Variants in CDK14 observed in about 807,000 individuals in gnomAD.
The protein encoded by CDK14 is cyclin dependent kinase 14, also known as cyclin-dependent kinase 14.
Under a neutral mutation model 60.7 loss-of-function variants are expected in CDK14, and 34 were observed. The ratio of observed to expected loss-of-function variants is 0.56; its 90% CI spans 0.43 to 0.75. The LOEUF (loss-of-function observed/expected upper bound fraction) is 0.75. Ranked by LOEUF, CDK14 falls within the 30% of genes least tolerant of loss-of-function variation. The pLI is 0.00. For synonymous variants in CDK14, 197 were observed against 203.7 expected, an observed-to-expected ratio of 0.97 and a Z score of 0.28; for missense variants, 482 against 564.1, an observed-to-expected ratio of 0.85 and a Z score of 1.47.
intron 2 of CDK14, among the ~76,000 whole-genome samples, chr7:90,654,808 C>A (rs918035800): frequency 6.6e-6 from 1 of 152,124 alleles, no homozygotes; most frequent in East Asian, 1.9e-4. Context: ...TAGTATAATT[C>A]ATGAACCAAG....
At chr7:90,842,653 G>A (rs1166990284) in intron 5 of CDK14, among the ~76,000 whole-genome samples, 1 of 152,082 alleles carries the variant, frequency 6.6e-6, no homozygotes, top group Non-Finnish European at 1.5e-5. Context: ...ATGGCGAATG[G>A]CAGTTTGTTG....
chr7:91,171,210 C>T (rs1029851691), intron 14 of CDK14, among the ~76,000 whole-genome samples: 1 of 151,740 alleles, frequency 6.6e-6, no homozygotes, highest in African/African-American at 2.4e-5. Context: ...ATTAGCTGGG[C>T]GTGGTGGCGG....
intron 2 of CDK14, among the ~76,000 whole-genome samples, chr7:90,697,149 T>C (rs929117536): frequency 6.6e-6 from 1 of 152,018 alleles, no homozygotes; most frequent in African/African-American, 2.4e-5. Flanking sequence ...AACAGAGAAA[T>C]GGAGTAGCAG....
chr7:90,666,041 A>T (rs1391097952), intron 2 of CDK14, among the ~76,000 whole-genome samples: 1 of 152,140 alleles, frequency 6.6e-6, no homozygotes, highest in Admixed American at 6.6e-5. Flanking sequence ...TTCCCTGCCT[A>T]GTCCCTGCCT....
At chr7:90,745,904 A>G (rs1215165625) in intron 3 of CDK14, among the ~76,000 whole-genome samples, 2 of 152,112 alleles carry the variant, frequency 1.3e-5, no homozygotes, top group African/African-American at 2.4e-5. Flanking sequence ...AATTTTCTCT[A>G]CTGATTGTGT....
chr7:91,008,149 A>C lies in CDK14; in HGVS notation c.1041+23908A>C, dbSNP rs934252931. On this transcript the variant is annotated intron_variant, in intron 10 of 14. Coordinates refer to ENST00000380050, the MANE Select transcript of CDK14 (RefSeq NM_001287135.2). ...GGCCAAAAAAAAAAAAAAAAAACAA[A>C]CAAAAAAAAACAGTGGATGGTGGAG... Among the ~76,000 whole-genome samples, 33 of 107,506 alleles carry C rather than the reference A, an allele frequency of 3.1e-4. 1 individual carries two copies. Among genetic ancestry groups the C allele is most frequent in the African/African-American group, 1.1e-3 (32 of 29,542 alleles). The allele number at this position is 107,506 out of a possible 152,430, so 70.5% of individuals were successfully genotyped here.
chr7:90,744,746 G>T lies in CDK14; in HGVS notation c.370-2935G>T, dbSNP rs1191390442. Among the ~76,000 whole-genome samples, 3 of 135,068 alleles carry T rather than the reference G, an allele frequency of 2.2e-5. 1 individual carries two copies. The highest frequency in any genetic ancestry group is 4.9e-5 in the Non-Finnish European group (3 of 61,724). 88.6% of individuals were successfully genotyped at this position (135,068 alleles called of 152,430 possible). The stretch of plus-strand genomic sequence containing the variant: ...GAGGCGCCCCTCACCTCCCGGACGG[G>T]GCGGCTGGCCGGGCAGGGGGCTGAC... On this transcript the variant is annotated intron_variant, in intron 3 of 14. Transcript: ENST00000380050.
intron 2 of CDK14, among the ~76,000 whole-genome samples, chr7:90,641,021 A>G (rs1258932843): frequency 6.6e-6 from 1 of 151,930 alleles, no homozygotes; most frequent in East Asian, 1.9e-4. Context: ...CCATCAGGGA[A>G]ATTCAAATCA....
In CDK14 at chr7:90,829,397, G is replaced by A. The variant is rs114303738; in HGVS notation, c.545-33778G>A. On this transcript the variant is annotated intron_variant, in intron 5 of 14. Transcript: ENST00000380050. ...CTTCTGAATATGAGCCTGTAAAATC[G>A]AAAACAACTTAGTTACTTCCAAGAT... is the stretch of plus-strand genomic sequence containing the variant. Among the ~76,000 whole-genome samples, 1,412 of 152,142 alleles carry A rather than the reference G, an allele frequency of 9.3e-3. 24 individuals are homozygous for A. The highest frequency in any genetic ancestry group is 0.031 in the African/African-American group (1,277 of 41,490).
chr7:90,911,599 T>A (rs1792903703), intron 7 of CDK14, among the ~76,000 whole-genome samples: 1 of 152,142 alleles, frequency 6.6e-6, no homozygotes, highest in African/African-American at 2.4e-5. Flanking sequence ...TTGAACCGCA[T>A]ATATTAAATA....
intron 4 of CDK14, among the ~76,000 whole-genome samples, chr7:90,753,992 A>G (rs1016665706): frequency 6.6e-6 from 1 of 152,228 alleles, no homozygotes; most frequent in Non-Finnish European, 1.5e-5. Context: ...ACACAAACAA[A>G]TGGAAAAACA....
At chr7:90,957,910 A>C (rs1794479926) in intron 9 of CDK14, among the ~76,000 whole-genome samples, 1 of 152,154 alleles carries the variant, frequency 6.6e-6, no homozygotes. Context: ...TCCTAAGCCA[A>C]AAGAACAAAG....
At chr7:90,621,838 G>A (rs1799776978) in intron 2 of CDK14, among the ~76,000 whole-genome samples, 2 of 152,232 alleles carry the variant, frequency 1.3e-5, no homozygotes, top group Admixed American at 6.5e-5. Context: ...ATGGGGAAAC[G>A]GAAGTTTAGA....
At chr7:90,662,748 T>C (rs981073558) in intron 2 of CDK14, among the ~76,000 whole-genome samples, 1 of 152,210 alleles carries the variant, frequency 6.6e-6, no homozygotes, top group African/African-American at 2.4e-5. Context: ...TTTTTATAGC[T>C]CATTTATAAG....
At chr7:91,036,911 T>C (rs1334593787) in intron 10 of CDK14, among the ~76,000 whole-genome samples, 1 of 152,174 alleles carries the variant, frequency 6.6e-6, no homozygotes, top group South Asian at 2.1e-4. Flanking sequence ...TTTGCCATAT[T>C]CTGTTGGTTA....
chr7:90,762,488 A>T (rs994050360), intron 4 of CDK14, among the ~76,000 whole-genome samples: 2 of 152,228 alleles, frequency 1.3e-5, no homozygotes, highest in Non-Finnish European at 2.9e-5. Flanking sequence ...ATAAGTTACA[A>T]ACGTGACAGA....
intron 5 of CDK14, among the ~76,000 whole-genome samples, chr7:90,844,476 A>C (rs996163200): frequency 6.6e-6 from 1 of 152,226 alleles, no homozygotes; most frequent in Non-Finnish European, 1.5e-5. Context: ...GGACTTCTAA[A>C]TTCCTGTGCT....
chr7:91,169,825 G>C (rs1428474726), intron 14 of CDK14, among the ~76,000 whole-genome samples: 1 of 152,164 alleles, frequency 6.6e-6, no homozygotes, highest in African/African-American at 2.4e-5. Context: ...GAGGCTTTAG[G>C]CATGACTACC....
chr7:90,649,309 T>TTTCCTTCC lies in CDK14; in HGVS notation c.123+45111_123+45118dup, dbSNP rs1270953163. On this transcript the variant is annotated intron_variant, in intron 2 of 14. Coordinates refer to ENST00000380050, the MANE Select transcript of CDK14 (RefSeq NM_001287135.2). ...CTTTCTTTCTTTCTTTCTTTCTTTC[T>TTTCCTTCC]TTCCTTCCTTCCTTCCTTCCTTCCT... Among the ~76,000 whole-genome samples, 38 of 41,134 alleles carry TTTCCTTCC rather than the reference T, an allele frequency of 9.2e-4. 1 individual carries two copies. Among genetic ancestry groups the TTTCCTTCC allele is most frequent in the East Asian group, 1.9e-3 (2 of 1,058 alleles). 27.0% of individuals were successfully genotyped at this position (41,134 alleles called of 152,430 possible).
Sources: allele counts gnomAD v4.1 joint callset (sites outside exome capture counted in the v4.1 genomes callset), GRCh38; gene constraint gnomAD v4.1.1; transcripts MANE v1.5; gene names NCBI Gene and HGNC (gene_info 2026-07-23, HGNC 2026-07-21).